The following LMF1 variants were observed in gnomAD, a reference collection of about 807,000 sequenced individuals.
The protein encoded by LMF1 is transmembrane protein 112.
LMF1 carries 68 observed loss-of-function variants against 60.6 expected under a neutral mutation model. The ratio of observed to expected loss-of-function variants is 1.12; its 90% confidence interval spans 0.92 to 1.37. LMF1 has a LOEUF of 1.37. Among genes scored for constraint, LMF1 ranks in the 40% most tolerant of loss-of-function variants. The pLI, the probability that LMF1 is intolerant of heterozygous loss-of-function variation, is 0.00. For missense variants in LMF1, 948 were observed against 767.2 expected (o/e 1.24, Z -2.78); for synonymous variants, 418 against 324.7 (o/e 1.29, Z -3.09).
intron 1 of LMF1, among the ~76,000 whole-genome samples, chr16:956,527 G>A (rs936762367): frequency 1.3e-5 from 2 of 152,240 alleles, no homozygotes; most frequent in Non-Finnish European, 2.9e-5. Context: ...GAAAGTGGAA[G>A]TGGCTCTATT....
intron 10 of LMF1, among the ~76,000 whole-genome samples, chr16:867,680 A>G (rs1394544324): frequency 1.3e-5 from 2 of 152,126 alleles, no homozygotes; most frequent in African/African-American, 4.8e-5. Context: ...GGCGCCAGCT[A>G]GGAGGGCGGC....
At chr16:916,208 ACTTAG>A (rs1214920422) in intron 3 of LMF1, among the ~76,000 whole-genome samples, 49 of 152,332 alleles carry the variant, frequency 3.2e-4, no homozygotes, top group Admixed American at 3.2e-3. Flanking sequence ...TATTTTAGTT[ACTTAG>A]GGAGAGTCAT....
intron 5 of LMF1, among the ~76,000 whole-genome samples, chr16:889,176 T>C (rs2070401801): frequency 6.6e-6 from 1 of 152,136 alleles, no homozygotes; most frequent in Non-Finnish European, 1.5e-5. Flanking sequence ...GCCACAGGCT[T>C]GTTGTCAGGA....
chr16:866,136 T>C (rs2069603257), intron 10 of LMF1, among the ~76,000 whole-genome samples: 1 of 152,254 alleles, frequency 6.6e-6, no homozygotes, highest in Non-Finnish European at 1.5e-5. Flanking sequence ...TTTTCACCAA[T>C]GTCTTCCTGT....
intron 1 of LMF1, among the ~76,000 whole-genome samples, chr16:978,097 G>A (rs116708073): frequency 1.6e-5 from 2 of 126,756 alleles, no homozygotes; most frequent in Non-Finnish European, 3.4e-5. Context: ...AAACACACAC[G>A]GACACACACA....
chr16:963,867 C>T (rs941458269), intron 1 of LMF1, among the ~76,000 whole-genome samples: 3 of 152,092 alleles, frequency 2.0e-5, no homozygotes, highest in Admixed American at 6.6e-5. Flanking sequence ...CTATTTCAAC[C>T]TCTACTCATG....
intron 10 of LMF1, among the ~76,000 whole-genome samples, chr16:857,423 G>C (rs528741955): frequency 3.3e-5 from 5 of 152,134 alleles, no homozygotes; most frequent in Admixed American, 2.6e-4. Context: ...CGTTTTGATG[G>C]GTGTGCAGTG....
At chr16:869,857 T>C (rs762585790) in intron 9 of LMF1, 26 bp downstream of exon 9, 6 of 1,602,022 alleles carry the variant, frequency 3.7e-6, no homozygotes, top group East Asian at 2.2e-5. Context: ...GGCAGGTCCA[T>C]GCGCCCGCCA....
intron 1 of LMF1, among the ~76,000 whole-genome samples, chr16:959,282 A>C (rs2072773450): frequency 6.6e-6 from 1 of 152,248 alleles, no homozygotes; most frequent in African/African-American, 2.4e-5. Flanking sequence ...GATGAATCTT[A>C]AGTGCATTTT....
chr16:898,086 A>G (rs8044879), intron 4 of LMF1, among the ~76,000 whole-genome samples: 60,051 of 152,178 alleles, frequency 0.39, 13,578 homozygotes, highest in African/African-American at 0.61. Flanking sequence ...GAGGTGGGCC[A>G]GGGTCTCCAT....
rs199713950 is a variant in LMF1 at position 870,733 on chromosome 16, C to T, written c.1228G>A (p.Gly410Arg). ...LHIVNTYGAF[G>R]SITKERAEVI... ...ACGGGGACCCCAGGCTCATACCTTC[C>T]GAAGGCCCCGTAAGTGTTGACGATG... Residue 410 changes from glycine (G) to arginine (R), a missense_variant, in exon 8 of 11, where the codon GGA (glycine) becomes AGA (arginine). Physicochemically the swap from Gly to Arg is moderately radical, Grantham distance 125. Transcript: ENST00000262301. 750 of 1,612,758 alleles carry T rather than the reference C, an allele frequency of 4.7e-4. 3 individuals carry two copies. The East Asian group carries it at 7.2e-3, about 16-fold the overall frequency.
chr16:861,755 T>C (rs1167355367), intron 10 of LMF1, among the ~76,000 whole-genome samples: 1 of 152,230 alleles, frequency 6.6e-6, no homozygotes, highest in Non-Finnish European at 1.5e-5. Context: ...TCTTCCTTTG[T>C]GATCGACACG....
intron 1 of LMF1, among the ~76,000 whole-genome samples, chr16:977,942 A>G (rs546799569): frequency 1.8e-4 from 26 of 147,710 alleles, no homozygotes; most frequent in Non-Finnish European, 3.4e-4. Flanking sequence ...TACATCATAC[A>G]CACGCACACA....
chr16:870,123 G>T, intron 8 of LMF1, 57 bp from the exon 9 acceptor site: 2 of 1,549,820 alleles, frequency 1.3e-6, no homozygotes, highest in Non-Finnish European at 8.7e-7. Context: ...GGCCGAGTGG[G>T]GTGCATGGGT....
intron 4 of LMF1, among the ~76,000 whole-genome samples, chr16:895,749 G>A (rs1027175636): frequency 3.3e-5 from 5 of 152,196 alleles, no homozygotes; most frequent in Non-Finnish European, 7.3e-5. Context: ...AGCCCAGCCC[G>A]GCCCTACAGG....
chr16:934,109 T>G, intron 3 of LMF1, 135 bp downstream of exon 3: 2 of 1,553,280 alleles, frequency 1.3e-6, no homozygotes, highest in Non-Finnish European at 1.7e-6. Flanking sequence ...CGCCCATCAC[T>G]GCCCTCCGTG....
intron 1 of LMF1, chr16:968,577 T>C (rs2072974418): frequency 6.6e-6 from 1 of 152,242 alleles, no homozygotes; most frequent in Non-Finnish European, 1.5e-5. Context: ...CTGCTTGCCC[T>C]GGGCCAGCTC....
intron 2 of LMF1, 67 bp downstream of exon 2, chr16:954,290 C>T (rs1356955186): frequency 1.4e-6 from 2 of 1,461,942 alleles, no homozygotes; most frequent in Admixed American, 1.8e-5. Context: ...AGTGCCAGGA[C>T]ACCTGCAGTG....
chr16:894,137 C>CT (rs2070585607), intron 4 of LMF1, among the ~76,000 whole-genome samples: 1 of 4,640 alleles, frequency 2.2e-4, no homozygotes. Context: ...TCTGCCCACC[C>CT]GTCCCCTGTC....
Sources: gnomAD v4.1 joint callset for allele counts (sites outside exome capture counted in the v4.1 genomes callset) on GRCh38, gnomAD v4.1.1 for gene constraint, MANE v1.5 for transcripts, NCBI Gene and HGNC (gene_info 2026-07-23, HGNC 2026-07-21) for gene names.